ERI1: variants seen among roughly 807,000 people sequenced by gnomAD.
ERI1 encodes the protein exoribonuclease 1.
Under a neutral mutation model 39.7 loss-of-function variants are expected in ERI1, and 39 were observed. The observed-to-expected ratio is 0.98, with a 90% confidence interval of 0.76 to 1.28. The LOEUF (loss-of-function observed/expected upper bound fraction) is 1.28. ERI1 is among the 50% of genes most tolerant of loss of function. The pLI, the probability that ERI1 is intolerant of heterozygous loss-of-function variation, is 0.00. For synonymous variants in ERI1, 204 were observed against 149.6 expected (o/e 1.36, Z -2.65); for missense variants, 581 against 416.9 (o/e 1.39, Z -3.43).
intron 4 of ERI1, among the ~76,000 whole-genome samples, chr8:9,017,315 G>A (rs1817410396): frequency 6.6e-6 from 1 of 152,086 alleles, no homozygotes; most frequent in Admixed American, 6.5e-5. Context: ...TGGGATTACG[G>A]GCATGAGCCA....
chr8:9,072,417 C>G (rs554229150), intron 3 of ERI1: 1 of 152,232 alleles, frequency 6.6e-6, no homozygotes, highest in East Asian at 1.9e-4. Flanking sequence ...ATTACCACAG[C>G]CAATTTTAGG....
chr8:9,072,550 C>T (rs570012804), intron 3 of ERI1: 2 of 152,184 alleles, frequency 1.3e-5, no homozygotes, highest in East Asian at 3.9e-4. Context: ...CAAGAAGAAA[C>T]CTGAAGGATC....
chr8:9,024,881 C>G lies in ERI1; in HGVS notation c.807+4417C>G, dbSNP rs536667159. The stretch of plus-strand genomic sequence containing the variant: ...TTTTAGATTGAATTTAAGATAAGCT[C>G]ACATGGATTCTTTTTCTCAGGAAAT... On this transcript the variant is annotated intron_variant, in intron 6 of 6. Transcript: ENST00000250263. Among the ~76,000 whole-genome samples the G allele has an allele frequency of 3.9e-5, 6 of 152,024 alleles. No homozygotes were observed. The South Asian group carries it at 1.2e-3, about 32-fold the overall frequency.
intron 6 of ERI1, among the ~76,000 whole-genome samples, chr8:9,021,284 A>T (rs1474719086): frequency 6.6e-6 from 1 of 151,914 alleles, no homozygotes; most frequent in Non-Finnish European, 1.5e-5. Flanking sequence ...TTCTTTTTTC[A>T]TCTGTTTTTC....
intron 2 of ERI1, 55 bp from the exon 3 acceptor site, chr8:9,011,487 T>C (rs1031510273): frequency 1.7e-5 from 21 of 1,264,876 alleles, no homozygotes; most frequent in Non-Finnish European, 2.2e-5. Context: ...GTGAGAGTTT[T>C]GATTCTTGAC....
chr8:9,036,746 G>C (rs1374528231), downstream of ERI1, among the ~76,000 whole-genome samples: 2 of 151,998 alleles, frequency 1.3e-5, no homozygotes, highest in African/African-American at 4.8e-5. Flanking sequence ...GTGATTTTCT[G>C]TTTGCTAATG....
downstream of ERI1, among the ~76,000 whole-genome samples, chr8:9,035,349 A>G (rs1797809407): frequency 1.3e-5 from 2 of 151,972 alleles, no homozygotes; most frequent in African/African-American, 2.4e-5. Context: ...TCAAAGCTTC[A>G]AAGGACAGGC....
At chr8:9,076,691 T>C (rs1799222067) in intron 3 of ERI1, among the ~76,000 whole-genome samples, 1 of 152,176 alleles carries the variant, frequency 6.6e-6, no homozygotes, top group Non-Finnish European at 1.5e-5. Context: ...GTAACTAGAA[T>C]GGTGGAAAAG....
rs571863819 is a variant in ERI1 at position 9,002,943 on chromosome 8, C to A, written c.-121C>A. 8 of 716,130 alleles carry A rather than the reference C, an allele frequency of 1.1e-5. No individual in the cohort carries two copies. In the African/African-American group the frequency reaches 1.3e-4, roughly 11 times the overall value. The allele number at this position is 716,130 out of a possible 1,614,324, so 44.4% of individuals were successfully genotyped here. On this transcript the variant is annotated 5_prime_UTR_variant, in exon 1 of 7. Coordinates refer to ENST00000250263, the MANE Select transcript of ERI1 (RefSeq NM_153332.4). ...GTGGCCGCTGGAGTTTGTGTGGCCG[C>A]CGCCGCGGGAACGCGAGCCCGGTAA...
At chr8:9,050,170 C>CA (rs10552004) in intron 3 of ERI1, among the ~76,000 whole-genome samples, 10 of 149,176 alleles carry the variant, frequency 6.7e-5, no homozygotes, top group South Asian at 2.1e-4. Context: ...TCTAAGTGGT[C>CA]AAAAAAAAAA....
At chr8:9,071,936 C>T (rs1362789292) in intron 3 of ERI1, among the ~76,000 whole-genome samples, 3 of 152,204 alleles carry the variant, frequency 2.0e-5, no homozygotes, top group Non-Finnish European at 2.9e-5. Context: ...CGTGGTGGTG[C>T]GTGCCTGTAG....
At chr8:9,006,810 C>T (rs1376243015) in intron 1 of ERI1, among the ~76,000 whole-genome samples, 1 of 152,096 alleles carries the variant, frequency 6.6e-6, no homozygotes, top group African/African-American at 2.4e-5. Flanking sequence ...ACTCTGGCAC[C>T]TTACCTAGCA....
chr8:9,051,609 A>AC (rs1157070982), intron 3 of ERI1, among the ~76,000 whole-genome samples: 1 of 151,592 alleles, frequency 6.6e-6, no homozygotes, highest in Non-Finnish European at 1.5e-5. Context: ...GTGAGCCGAG[A>AC]CTGTACCACT....
chr8:9,096,010 A>G (rs1406584852), intron 3 of ERI1, among the ~76,000 whole-genome samples: 1 of 152,180 alleles, frequency 6.6e-6, no homozygotes, highest in African/African-American at 2.4e-5. Flanking sequence ...TGACCTGAGG[A>G]TCAAATGAGA....
intron 3 of ERI1, among the ~76,000 whole-genome samples, chr8:9,086,573 A>G (rs913628092): frequency 6.6e-6 from 1 of 152,190 alleles, no homozygotes; most frequent in Non-Finnish European, 1.5e-5. Context: ...CAACCAATTC[A>G]TTCTGTTTGA....
At chr8:9,053,615 G>A (rs1353104058) in intron 3 of ERI1, among the ~76,000 whole-genome samples, 1 of 152,206 alleles carries the variant, frequency 6.6e-6, no homozygotes, top group African/African-American at 2.4e-5. Context: ...ACCTGAAGCA[G>A]TCATGGAAAC....
chr8:9,004,533 C>T (rs1360260490), intron 1 of ERI1, among the ~76,000 whole-genome samples: 2 of 144,782 alleles, frequency 1.4e-5, no homozygotes, highest in African/African-American at 5.2e-5. Flanking sequence ...GTCGTAGTTG[C>T]CCTCTCCCGT....
At chr8:9,007,824 T>G (rs1005776034) in intron 1 of ERI1, 146 bp from the exon 2 acceptor site, 3 of 1,223,614 alleles carry the variant, frequency 2.5e-6, no homozygotes, top group African/African-American at 1.6e-5. Context: ...TTCCTCCGTT[T>G]AGGAGCTGCA....
intron 3 of ERI1, among the ~76,000 whole-genome samples, chr8:9,065,966 GGGAAGT>G (rs1436343214): frequency 1.3e-5 from 2 of 152,130 alleles, no homozygotes; most frequent in Non-Finnish European, 2.9e-5. Context: ...TTTATGAGAA[GGGAAGT>G]GGAGGGTGAA....
Sources: gnomAD v4.1 joint callset for allele counts (sites outside exome capture counted in the v4.1 genomes callset) on GRCh38, gnomAD v4.1.1 for gene constraint, MANE v1.5 for transcripts, NCBI Gene and HGNC (gene_info 2026-07-23, HGNC 2026-07-21) for gene names.